The following LARP1B variants were observed in gnomAD, a reference collection of about 807,000 sequenced individuals.
LARP1B encodes the protein La ribonucleoprotein 1B.
In LARP1B, 76 loss-of-function variants were observed where a neutral mutation model predicts 114.2. The observed-to-expected ratio is 0.67, with a 90% CI of 0.55 to 0.81. The LOEUF is 0.81. LARP1B is among the 30% of genes least tolerant of loss of function. The pLI is 0.00. For synonymous variants in LARP1B, 345 were observed against 348.0 expected (o/e 0.99, Z 0.10); for missense variants, 1,014 against 1,075.8 (o/e 0.94, Z 0.80).
intron 11 of LARP1B, among the ~76,000 whole-genome samples, chr4:128,125,265 C>T (rs1789187203): frequency 6.6e-6 from 1 of 152,162 alleles, no homozygotes; most frequent in Non-Finnish European, 1.5e-5. Context: ...CATAGGATTC[C>T]TTTTCCCATT....
chr4:128,093,682 C>T (rs894971891), intron 7 of LARP1B, among the ~76,000 whole-genome samples: 2 of 148,734 alleles, frequency 1.3e-5, no homozygotes, highest in African/African-American at 4.9e-5. Context: ...TAAACGTATT[C>T]AAAATGGTTG....
intron 12 of LARP1B, among the ~76,000 whole-genome samples, chr4:128,171,481 A>C (rs920529857): frequency 6.6e-6 from 1 of 152,172 alleles, no homozygotes; most frequent in East Asian, 1.9e-4. Flanking sequence ...TATGTTAAAA[A>C]GCCCATCAGA....
At position 128,091,396 on chromosome 4, in the gene LARP1B, T is replaced by G; in HGVS notation, c.552T>G (p.Asp184Glu). The change falls in exon 7 of 20, where the codon GAT (aspartate) becomes GAG (glutamate). Residue 184 changes from aspartate (D) to glutamate (E), a missense_variant. Physicochemically the swap from Asp to Glu is conservative, Grantham distance 45. Transcript: ENST00000326639. Reference protein sequence around the residue: ...YGYQEHGERTDQPFQTELNTS... With the variant: ...YGYQEHGERTEQPFQTELNTS... ...ATCAAGAACATGGTGAAAGGACTGA[T>G]CAACCATTTCAAACAGAACTTAATA... 1 of 1,612,820 alleles carries G rather than the reference T, an allele frequency of 6.2e-7. No homozygotes were observed. Among genetic ancestry groups the G allele is most frequent in the Non-Finnish European group, 8.5e-7 (1 of 1,178,932 alleles).
intron 3 of LARP1B, among the ~76,000 whole-genome samples, chr4:128,076,099 C>T (rs747583249): frequency 3.9e-5 from 6 of 152,008 alleles, no homozygotes; most frequent in East Asian, 1.9e-4. Flanking sequence ...CTGCAACCTC[C>T]GCCTCCCGGG....
chr4:128,177,249 A>C (rs2150638223), intron 13 of LARP1B, among the ~76,000 whole-genome samples: 1 of 152,338 alleles, frequency 6.6e-6, no homozygotes, highest in East Asian at 1.9e-4. Flanking sequence ...ATGGATTGGG[A>C]GAGGAAATGG....
intron 7 of LARP1B, among the ~76,000 whole-genome samples, chr4:128,096,119 A>G (rs1312321542): frequency 2.0e-5 from 3 of 149,056 alleles, no homozygotes; most frequent in South Asian, 4.2e-4. Context: ...TCAGCCTCCC[A>G]CGTAGCTGGC....
At chr4:128,156,002 C>T in intron 11 of LARP1B, 1 of 1,553,758 alleles carries the variant, frequency 6.4e-7, no homozygotes, top group East Asian at 2.2e-5. Context: ...ATCTCCCTTT[C>T]CCCAGGGCCT....
At chr4:128,089,053 A>AT (rs201884584) in intron 5 of LARP1B, among the ~76,000 whole-genome samples, 57 of 151,568 alleles carry the variant, frequency 3.8e-4, no homozygotes, top group Middle Eastern at 3.4e-3. Context: ...AGTGAGGGTG[A>AT]TTTTTTTTTC....
chr4:128,176,955 T>C (rs372079591), intron 13 of LARP1B, 48 bp downstream of exon 13: 4 of 1,519,244 alleles, frequency 2.6e-6, no homozygotes, highest in Non-Finnish European at 3.7e-6. Context: ...ATCCTTTGCA[T>C]TGGGTATACA....
rs561167855 is a variant in LARP1B at position 128,160,820 on chromosome 4, G to GA, written c.1525-1368dup. On this transcript the variant is annotated intron_variant, in intron 11 of 19. Transcript: ENST00000326639. Reference sequence around the variant, plus strand: ...TTGATGTAATTAAAGGTACTTTAGTGAAAAAAGATCATAATCTAAAAGGCT... The same window carrying GA: ...TTGATGTAATTAAAGGTACTTTAGTGAAAAAAAGATCATAATCTAAAAGGCT... Among the ~76,000 whole-genome samples, 83 of 152,274 alleles carry GA rather than the reference G, an allele frequency of 5.5e-4. 1 individual carries two copies. The South Asian group carries it at 0.016, about 30-fold the overall frequency.
At chr4:128,137,788 TATA>T (rs753710876) in intron 11 of LARP1B, among the ~76,000 whole-genome samples, 5,842 of 86,464 alleles carry the variant, frequency 0.068, 129 homozygotes, top group South Asian at 0.1. Context: ...TATATATATA[TATA>T]TTTTTTTTTT....
At chr4:128,114,163 C>T (rs1173170814) in intron 9 of LARP1B, among the ~76,000 whole-genome samples, 1 of 152,120 alleles carries the variant, frequency 6.6e-6, no homozygotes, top group Admixed American at 6.6e-5. Context: ...ACTAATTTTA[C>T]CTTGAATAAG....
intron 9 of LARP1B, chr4:128,108,666 A>T (rs189692446): frequency 1.0e-6 from 1 of 984,592 alleles, no homozygotes; most frequent in East Asian, 1.1e-4. Context: ...TTTTTAATTT[A>T]TTTTTTGTTA....
chr4:128,204,158 T>C (rs1336873625), intron 17 of LARP1B, among the ~76,000 whole-genome samples: 1 of 152,108 alleles, frequency 6.6e-6, no homozygotes, highest in African/African-American at 2.4e-5. Flanking sequence ...TAAGAATTTC[T>C]ATATTCCTCT....
chr4:128,152,901 G>A (rs1416142183), intron 11 of LARP1B, among the ~76,000 whole-genome samples: 1 of 105,782 alleles, frequency 9.5e-6, no homozygotes, highest in Non-Finnish European at 2.1e-5. Context: ...TTTTACTTTT[G>A]TTTTTTAATT....
chr4:128,102,893 T>G (rs540069483), intron 8 of LARP1B, among the ~76,000 whole-genome samples: 90 of 152,332 alleles, frequency 5.9e-4, no homozygotes, highest in African/African-American at 2.0e-3. Flanking sequence ...ATCTCAAACC[T>G]TGTTTTCTAA....
intron 10 of LARP1B, among the ~76,000 whole-genome samples, chr4:128,118,766 C>T (rs1487393419): frequency 2.0e-5 from 3 of 149,668 alleles, no homozygotes; most frequent in African/African-American, 7.4e-5. Context: ...TAATATCTGG[C>T]GATTTTTGGT....
intron 11 of LARP1B, among the ~76,000 whole-genome samples, chr4:128,150,969 A>G (rs191646818): frequency 0.012 from 1,756 of 152,208 alleles, 29 homozygotes; most frequent in Middle Eastern, 0.068. Flanking sequence ...AGACAATGCC[A>G]TTTTCTCACT....
At chr4:128,176,406 G>A (rs187252959) in intron 12 of LARP1B, among the ~76,000 whole-genome samples, 2,623 of 151,002 alleles carry the variant, frequency 0.017, 65 homozygotes, top group East Asian at 0.1. Context: ...CAATTCTCCT[G>A]CCTCAGCCTC....
Sources: gnomAD v4.1 joint callset for allele counts (sites outside exome capture counted in the v4.1 genomes callset) on GRCh38, gnomAD v4.1.1 for gene constraint, MANE v1.5 for transcripts, NCBI Gene and HGNC (gene_info 2026-07-23, HGNC 2026-07-21) for gene names.